CAST: variants seen among roughly 807,000 people sequenced by gnomAD.
CAST encodes the protein MIR583 host.
CAST carries 76 observed loss-of-function variants against 119.6 expected under a neutral mutation model. The ratio of observed to expected loss-of-function variants is 0.64; its 90% confidence interval spans 0.53 to 0.77. The LOEUF (loss-of-function observed/expected upper bound fraction) is 0.77. Among genes scored for constraint, CAST ranks in the 30% least tolerant of loss-of-function variants. The pLI is 0.00. For missense variants in CAST, 953 were observed against 946.5 expected, an observed-to-expected ratio of 1.01 and a Z score of -0.09; for synonymous variants, 319 against 331.6, an observed-to-expected ratio of 0.96 and a Z score of 0.41.
chr5:96,069,655 CTTTTT>C, the CAST span, among the ~76,000 whole-genome samples: 1 of 78,376 alleles, frequency 1.3e-5, no homozygotes, highest in South Asian at 5.3e-4. Context: ...GGTAATTAAA[CTTTTT>C]TTTTTTTTTT....
the CAST span, among the ~76,000 whole-genome samples, chr5:95,986,974 T>A: frequency 6.6e-6 from 1 of 152,102 alleles, no homozygotes; most frequent in South Asian, 2.1e-4. Context: ...ATGGAGAGGA[T>A]GAAGCAGACA....
intron 1 of CAST, among the ~76,000 whole-genome samples, chr5:96,609,105 T>C (rs1210743436): frequency 6.6e-6 from 1 of 152,232 alleles, no homozygotes; most frequent in Non-Finnish European, 1.5e-5. Flanking sequence ...TCACCCTTCT[T>C]ATTGATCCTT....
the CAST span, among the ~76,000 whole-genome samples, chr5:95,964,372 G>A: frequency 6.6e-6 from 1 of 152,140 alleles, no homozygotes; most frequent in African/African-American, 2.4e-5. Flanking sequence ...AATAATCATT[G>A]AATACCAGTT....
At chr5:96,173,352 T>G in the CAST span, among the ~76,000 whole-genome samples, 1 of 152,230 alleles carries the variant, frequency 6.6e-6, no homozygotes, top group Admixed American at 6.5e-5. Flanking sequence ...ATAGTCCTCA[T>G]AACTATCAAA....
chr5:96,435,249 G>A, the CAST span, among the ~76,000 whole-genome samples: 2 of 152,150 alleles, frequency 1.3e-5, no homozygotes, highest in Non-Finnish European at 2.9e-5. Context: ...TAGGGTCCGT[G>A]TCTCTCTCAT....
At chr5:96,033,672 A>G in the CAST span, among the ~76,000 whole-genome samples, 1 of 152,164 alleles carries the variant, frequency 6.6e-6, no homozygotes, top group Admixed American at 6.6e-5. Context: ...AGACTTAAAC[A>G]TAAGACCTCA....
chr5:96,341,198 GTCT>G, the CAST span, among the ~76,000 whole-genome samples: 3 of 152,116 alleles, frequency 2.0e-5, no homozygotes, highest in African/African-American at 2.4e-5. Flanking sequence ...GGAGAGTTGT[GTCT>G]TCTTATTTGT....
intron 1 of CAST, among the ~76,000 whole-genome samples, chr5:96,577,759 A>C (rs1397074370): frequency 6.6e-6 from 1 of 151,894 alleles, no homozygotes; most frequent in Non-Finnish European, 1.5e-5. Flanking sequence ...TAATTCTTTC[A>C]AATTTGTTGG....
chr5:96,419,454 T>C, the CAST span, among the ~76,000 whole-genome samples: 1 of 150,244 alleles, frequency 6.7e-6, no homozygotes, highest in East Asian at 1.9e-4. Flanking sequence ...TCTCTATATA[T>C]ATATACACTC....
At chr5:96,134,437 T>C in the CAST span, among the ~76,000 whole-genome samples, 3 of 152,332 alleles carry the variant, frequency 2.0e-5, no homozygotes, top group African/African-American at 4.8e-5. Context: ...GATGAATACA[T>C]CAAGAATCTC....
the CAST span, among the ~76,000 whole-genome samples, chr5:96,015,585 G>A: frequency 6.6e-6 from 1 of 151,988 alleles, no homozygotes; most frequent in Admixed American, 6.6e-5. Context: ...TACAGATAAG[G>A]AAATTGAAGC....
At chr5:96,690,428 C>T (rs1040725989) in intron 2 of CAST, among the ~76,000 whole-genome samples, 5 of 152,112 alleles carry the variant, frequency 3.3e-5, no homozygotes, top group Non-Finnish European at 7.4e-5. Flanking sequence ...TGGGGTTTCA[C>T]TATGTTGGCC....
At chr5:96,520,721 T>A (rs1745503838), upstream of CAST, among the ~76,000 whole-genome samples, 1 of 152,204 alleles carries the variant, frequency 6.6e-6, no homozygotes, top group Non-Finnish European at 1.5e-5. Flanking sequence ...TGTCTAACTA[T>A]CTGGTTATGC....
At chr5:96,056,022 A>G in the CAST span, among the ~76,000 whole-genome samples, 1 of 152,086 alleles carries the variant, frequency 6.6e-6, no homozygotes, top group African/African-American at 2.4e-5. Context: ...ACACCCCAGT[A>G]TCCTCTTTTT....
intron 1 of CAST, among the ~76,000 whole-genome samples, chr5:96,615,810 G>C (rs1202434442): frequency 6.6e-6 from 1 of 152,156 alleles, no homozygotes; most frequent in African/African-American, 2.4e-5. Flanking sequence ...GGGTTCTCTT[G>C]ACAACCAGAA....
chr5:96,386,963 TCAAAAA>T, the CAST span, among the ~76,000 whole-genome samples: 5 of 152,084 alleles, frequency 3.3e-5, no homozygotes, highest in African/African-American at 7.2e-5. Flanking sequence ...AAACTCCATC[TCAAAAA>T]CAAAAACAAA....
At chr5:96,207,641 T>TA in the CAST span, among the ~76,000 whole-genome samples, 1 of 152,122 alleles carries the variant, frequency 6.6e-6, no homozygotes, top group African/African-American at 2.4e-5. Context: ...ATTCCAGGGA[T>TA]AAAGCCTACT....
At chr5:96,183,093 C>T in the CAST span, among the ~76,000 whole-genome samples, 1 of 151,048 alleles carries the variant, frequency 6.6e-6, no homozygotes, top group Non-Finnish European at 1.5e-5. Context: ...GAGCCGAGAT[C>T]GCGCGCCACT....
chr5:96,121,912 A>G, the CAST span, among the ~76,000 whole-genome samples: 12 of 152,116 alleles, frequency 7.9e-5, no homozygotes, highest in East Asian at 7.7e-4. Context: ...GTATTGTGAC[A>G]AAAAAACAAA....
Sources: allele counts gnomAD v4.1 joint callset (sites outside exome capture counted in the v4.1 genomes callset), GRCh38; gene constraint gnomAD v4.1.1; transcripts MANE v1.5; gene names NCBI Gene and HGNC (gene_info 2026-07-23, HGNC 2026-07-21).